Variants in ODAD2 observed in about 807,000 individuals in gnomAD.
ODAD2 encodes outer dynein arm docking complex subunit 2, also known as outer dynein arm-docking complex subunit 2.
ODAD2 carries 89 observed loss-of-function variants against 106.8 expected under a neutral mutation model. That is an observed-to-expected ratio of 0.83 (90% CI 0.70 to 0.99). The LOEUF is 0.99. Ranked by LOEUF, ODAD2 falls within the 50% of genes least tolerant of loss-of-function variation. The probability of loss-of-function intolerance (pLI) is 0.00; values close to 1 mark genes in which losing one functional copy is unlikely to be tolerated. For synonymous variants in ODAD2, 404 were observed against 436.2 expected (o/e 0.93, Z 0.92); for missense variants, 1,168 against 1,238.5 (o/e 0.94, Z 0.85).
intron 17 of ODAD2, among the ~76,000 whole-genome samples, chr10:27,886,903 G>A (rs754237024): frequency 5.3e-5 from 8 of 151,906 alleles, no homozygotes; most frequent in South Asian, 2.1e-4. Flanking sequence ...ATATCAAAAT[G>A]TGTCACTATA....
At chr10:27,944,703 T>A in intron 11 of ODAD2, 113 bp downstream of exon 11, 1 of 1,286,340 alleles carries the variant, frequency 7.8e-7, no homozygotes, top group East Asian at 2.3e-5. Context: ...TCAGCAATAA[T>A]AGCAGATAAA....
intron 19 of ODAD2, among the ~76,000 whole-genome samples, chr10:27,854,194 A>G (rs188817415): frequency 1.3e-5 from 2 of 152,336 alleles, no homozygotes; most frequent in African/African-American, 4.8e-5. Flanking sequence ...ACCTGTTAGA[A>G]TGTCTAAAAT....
chr10:27,832,515 T>C (rs1837560790), intron 19 of ODAD2, among the ~76,000 whole-genome samples: 1 of 151,950 alleles, frequency 6.6e-6, no homozygotes, highest in African/African-American at 2.4e-5. Flanking sequence ...CCCCCACCCA[T>C]GTTGTTCACA....
chr10:27,981,130 T>C (rs891572753), intron 7 of ODAD2, among the ~76,000 whole-genome samples: 1 of 151,960 alleles, frequency 6.6e-6, no homozygotes, highest in Non-Finnish European at 1.5e-5. Context: ...AGCAAACTGA[T>C]AGAAATAGCA....
At chr10:27,857,150 C>G (rs1014118236) in intron 19 of ODAD2, among the ~76,000 whole-genome samples, 1 of 152,144 alleles carries the variant, frequency 6.6e-6, no homozygotes, top group Non-Finnish European at 1.5e-5. Context: ...GCGAGACCAA[C>G]TCAACTTCTT....
In ODAD2 at chr10:27,966,471, G is replaced by T. The variant is rs377346277; in HGVS notation, c.1238+2452C>A. Among the ~76,000 whole-genome samples the T allele has an allele frequency of 1.2e-4, 19 of 152,246 alleles. No homozygotes were observed. The South Asian group carries it at 3.7e-3, about 30-fold the overall frequency. On this transcript the variant is annotated intron_variant, in intron 9 of 19. Transcript: ENST00000305242. ...AAAAGCAGCGCCCCAAAGAAAAGCT[G>T]TCTTTTTTTTTCCAATTGATGAATC... is the stretch of plus-strand genomic sequence containing the variant.
chr10:27,946,836 A>C (rs1846967581), intron 10 of ODAD2, among the ~76,000 whole-genome samples: 1 of 152,198 alleles, frequency 6.6e-6, no homozygotes, highest in African/African-American at 2.4e-5. Context: ...AATAGGATTG[A>C]TTACTAGACG....
intron 17 of ODAD2, among the ~76,000 whole-genome samples, chr10:27,884,815 G>T (rs1190934222): frequency 6.6e-6 from 1 of 152,066 alleles, no homozygotes; most frequent in Admixed American, 6.6e-5. Context: ...CCATGTATAT[G>T]GGGGAAAAAA....
chr10:27,880,182 C>A (rs756655378), intron 17 of ODAD2, among the ~76,000 whole-genome samples: 1 of 152,164 alleles, frequency 6.6e-6, no homozygotes, highest in Non-Finnish European at 1.5e-5. Flanking sequence ...CCCTGTCCTG[C>A]CCTTACAGGA....
intron 19 of ODAD2, among the ~76,000 whole-genome samples, chr10:27,827,379 C>CACTA (rs1239159370): frequency 3.8e-4 from 50 of 132,468 alleles, no homozygotes; most frequent in African/African-American, 1.1e-3. Context: ...CACACACACA[C>CACTA]TATATATATA....
At chr10:27,990,634 C>T (rs1219409532) in intron 2 of ODAD2, among the ~76,000 whole-genome samples, 2 of 152,146 alleles carry the variant, frequency 1.3e-5, no homozygotes, top group Non-Finnish European at 2.9e-5. Flanking sequence ...AGAAATTTTA[C>T]CAAAATGCAA....
chr10:27,854,899 GA>G (rs1272758388), intron 19 of ODAD2, among the ~76,000 whole-genome samples: 7 of 152,144 alleles, frequency 4.6e-5, no homozygotes, highest in Non-Finnish European at 8.8e-5. Flanking sequence ...CTGAGTGAAG[GA>G]AGCCAAACAA....
chr10:27,874,113 G>A (rs1349359011), intron 17 of ODAD2, among the ~76,000 whole-genome samples: 1 of 152,046 alleles, frequency 6.6e-6, no homozygotes, highest in East Asian at 1.9e-4. Flanking sequence ...TTATGTAATG[G>A]CCTTCTTTGT....
At chr10:27,965,293 A>C (rs1490459988) in intron 9 of ODAD2, among the ~76,000 whole-genome samples, 1 of 152,200 alleles carries the variant, frequency 6.6e-6, no homozygotes, top group Non-Finnish European at 1.5e-5. Context: ...TACGGTCCCC[A>C]TGCCCTGTGG....
chr10:27,972,142 G>A (rs1425703326), intron 7 of ODAD2, among the ~76,000 whole-genome samples: 2 of 152,144 alleles, frequency 1.3e-5, no homozygotes, highest in African/African-American at 4.8e-5. Context: ...ATAACACAAA[G>A]TATAGGGAGG....
intron 17 of ODAD2, among the ~76,000 whole-genome samples, chr10:27,885,681 A>AATATACATT (rs1842100198): frequency 7.4e-5 from 1 of 13,550 alleles, no homozygotes; most frequent in Non-Finnish European, 2.0e-4. Context: ...AAATATATAT[A>AATATACATT]ATATATAATA....
At chr10:27,994,643 G>A (rs1850442243) in intron 2 of ODAD2, among the ~76,000 whole-genome samples, 1 of 152,192 alleles carries the variant, frequency 6.6e-6, no homozygotes, top group Non-Finnish European at 1.5e-5. Context: ...GATGTTGGCA[G>A]TGTAGTGACC....
chr10:27,836,329 C>T (rs575661167), intron 19 of ODAD2, among the ~76,000 whole-genome samples: 2 of 152,204 alleles, frequency 1.3e-5, no homozygotes, highest in South Asian at 4.2e-4. Context: ...GGCAGCAGAA[C>T]TCAGGGCCAG....
At chr10:27,820,086 G>A (rs1307612351) in intron 19 of ODAD2, among the ~76,000 whole-genome samples, 1 of 152,118 alleles carries the variant, frequency 6.6e-6, no homozygotes, top group East Asian at 1.9e-4. Flanking sequence ...GGCCTGGCCT[G>A]GTTAGTTTGG....
Sources: gnomAD v4.1 joint callset for allele counts (sites outside exome capture counted in the v4.1 genomes callset) on GRCh38, gnomAD v4.1.1 for gene constraint, MANE v1.5 for transcripts, NCBI Gene and HGNC (gene_info 2026-07-23, HGNC 2026-07-21) for gene names.